The following CAMTA1 variants were observed in gnomAD, a reference collection of about 807,000 sequenced individuals.
The protein encoded by CAMTA1 is calmodulin-binding transcription activator 1.
A neutral mutation model predicts 170.9 loss-of-function variants in CAMTA1; 27 were observed. The ratio of observed to expected loss-of-function variants is 0.16; its 90% confidence interval spans 0.12 to 0.22. The LOEUF (loss-of-function observed/expected upper bound fraction) is 0.22. Ranked by LOEUF, CAMTA1 falls within the 10% of genes least tolerant of loss-of-function variation. The pLI is 1.00. For synonymous variants in CAMTA1, 833 were observed against 891.5 expected, an observed-to-expected ratio of 0.93 and a Z score of 1.17; for missense variants, 1,619 against 2,217.2, an observed-to-expected ratio of 0.73 and a Z score of 5.42.
intron 3 of CAMTA1, among the ~76,000 whole-genome samples, chr1:7,087,385 A>T (rs1381841763): frequency 4.6e-5 from 7 of 152,222 alleles, no homozygotes; most frequent in Admixed American, 4.6e-4. Context: ...AATAAGCTTG[A>T]TCCTGCTGGA....
chr1:7,705,425 C>T (rs900397734), intron 11 of CAMTA1, among the ~76,000 whole-genome samples: 2 of 150,492 alleles, frequency 1.3e-5, no homozygotes, highest in African/African-American at 4.9e-5. Flanking sequence ...TGTCTGGGTG[C>T]GCGCGCGGGC....
Position 7,534,442 on chromosome 1 carries a change from G to A in CAMTA1, c.510+66541G>A, listed in dbSNP as rs2094526523. Among the ~76,000 whole-genome samples, 1 of 152,190 alleles carries A rather than the reference G, an allele frequency of 6.6e-6. No individual in the cohort carries two copies. Among genetic ancestry groups the A allele is most frequent in the African/African-American group, 2.4e-5 (1 of 41,456 alleles). ...AGCCACTGTGGATGGAGTGTTATTT[G>A]TCCAAATGAATTTGTGTCACGTTTC... On this transcript the variant is annotated intron_variant, in intron 6 of 22. Transcript: ENST00000303635. This position sits in a 1 kb window ranked among gnomAD's most constrained non-coding sequence, Gnocchi z 5.6.
rs1187703351 is a variant in CAMTA1, at chr1:7,050,483, C to T, written c.235-40821C>T. 1.3e-5 allele frequency among the ~76,000 whole-genome samples: 2 copies of T among 152,176 alleles called. No homozygotes were observed. The highest frequency in any genetic ancestry group is 6.5e-5 in the Admixed American group (1 of 15,280). Reference sequence around the variant, plus strand: ...GTTCAGATGAAGACTCTCAAACAGGCCTTGGCTGCATCAAACACATCGCGG... The same window carrying T: ...GTTCAGATGAAGACTCTCAAACAGGTCTTGGCTGCATCAAACACATCGCGG... On this transcript the variant is annotated intron_variant, in intron 3 of 22. Coordinates refer to ENST00000303635, the MANE Select transcript of CAMTA1 (RefSeq NM_015215.4). The surrounding 1 kb of genome is among the most constrained non-coding windows in gnomAD (Gnocchi z 4.8).
intron 11 of CAMTA1, among the ~76,000 whole-genome samples, chr1:7,716,432 T>C (rs1394284755): frequency 6.6e-6 from 1 of 152,234 alleles, no homozygotes; most frequent in Non-Finnish European, 1.5e-5. Context: ...CAGCTATTTA[T>C]TTTAAAATAT....
At chr1:6,860,464 T>C (rs1292779837) in intron 3 of CAMTA1, among the ~76,000 whole-genome samples, 1 of 152,222 alleles carries the variant, frequency 6.6e-6, no homozygotes, top group African/African-American at 2.4e-5. Context: ...TCCACAAATA[T>C]GTGGTTTTTT....
At chr1:7,386,718 A>G (rs554209201) in intron 5 of CAMTA1, among the ~76,000 whole-genome samples, 1 of 152,298 alleles carries the variant, frequency 6.6e-6, no homozygotes, top group East Asian at 1.9e-4. Context: ...CCTCCTTGGT[A>G]AAACACAAGT....
rs116886617 is a variant in CAMTA1, at chr1:7,195,642, C to T, written c.303-53849C>T. Among the ~76,000 whole-genome samples, 1 of 152,218 alleles carries T rather than the reference C, an allele frequency of 6.6e-6. No individual in the cohort carries two copies. The highest frequency in any genetic ancestry group is 1.5e-5 in the Non-Finnish European group (1 of 68,038). On this transcript the variant is annotated intron_variant, in intron 4 of 22. Transcript: ENST00000303635. This position sits in a 1 kb window ranked among gnomAD's most constrained non-coding sequence, Gnocchi z 4.1. ...TGCCCGCACTGCTCCTGAGACCACT[C>T]TGACCCCATGAGGAGGTTGGCTTGT...
At chr1:7,360,920 C>T (rs1459780744) in intron 5 of CAMTA1, among the ~76,000 whole-genome samples, 1 of 152,244 alleles carries the variant, frequency 6.6e-6, no homozygotes, top group Non-Finnish European at 1.5e-5. Flanking sequence ...TCGTTTTCTG[C>T]TTCACATAAA....
intron 11 of CAMTA1, among the ~76,000 whole-genome samples, chr1:7,689,099 CA>C (rs1457974808): frequency 6.6e-6 from 1 of 150,826 alleles, no homozygotes; most frequent in Non-Finnish European, 1.5e-5. Flanking sequence ...CCCTCTCTAC[CA>C]AAAATACAAA....
At chr1:7,613,283 C>T (rs1180200523) in intron 6 of CAMTA1, among the ~76,000 whole-genome samples, 5 of 152,196 alleles carry the variant, frequency 3.3e-5, no homozygotes, top group Non-Finnish European at 7.3e-5. Context: ...ACCTGCCTTT[C>T]ATCTGCTTAC....
chr1:7,480,260 T>TGTGTGC (rs199598421), intron 6 of CAMTA1, among the ~76,000 whole-genome samples: 1 of 150,958 alleles, frequency 6.6e-6, no homozygotes, highest in Non-Finnish European at 1.5e-5. Flanking sequence ...TGCATGTGTG[T>TGTGTGC]ATGTGTGTGA....
intron 5 of CAMTA1, among the ~76,000 whole-genome samples, chr1:7,256,356 G>C (rs1488158048): frequency 2.6e-5 from 4 of 152,026 alleles, no homozygotes; most frequent in Admixed American, 6.5e-5. Flanking sequence ...TCAGGAGATC[G>C]AGACCAACCT....
chr1:7,661,141 T>A (rs1408985796), intron 7 of CAMTA1, among the ~76,000 whole-genome samples: 2 of 152,204 alleles, frequency 1.3e-5, no homozygotes, highest in African/African-American at 2.4e-5. Flanking sequence ...GGCCCTTCAG[T>A]CCCGTCCCCA....
chr1:7,129,731 G>A (rs919391444), intron 4 of CAMTA1, among the ~76,000 whole-genome samples: 3 of 152,114 alleles, frequency 2.0e-5, no homozygotes, highest in South Asian at 2.1e-4. Context: ...CCACTACCAC[G>A]ATCAAGATAG....
At chr1:6,831,911 C>G (rs1650347620) in intron 3 of CAMTA1, among the ~76,000 whole-genome samples, 5 of 144,052 alleles carry the variant, frequency 3.5e-5, no homozygotes. Context: ...CAAAACAAAA[C>G]TTGAGTAATA....
intron 7 of CAMTA1, among the ~76,000 whole-genome samples, chr1:7,653,044 G>C (rs957703381): frequency 4.6e-5 from 7 of 151,958 alleles, no homozygotes; most frequent in Non-Finnish European, 7.3e-5. Flanking sequence ...AGTGTGCCTC[G>C]AAGGCCTATT....
intron 4 of CAMTA1, among the ~76,000 whole-genome samples, chr1:7,225,236 C>A (rs111801334): frequency 0.097 from 14,823 of 152,178 alleles, 2,096 homozygotes; most frequent in African/African-American, 0.32. Context: ...AGGCGCCCAC[C>A]ACCATGCCCA....
intron 5 of CAMTA1, among the ~76,000 whole-genome samples, chr1:7,417,393 G>A (rs937215694): frequency 7.9e-5 from 12 of 152,264 alleles, no homozygotes; most frequent in Admixed American, 7.2e-4. Flanking sequence ...TACAGAGGCA[G>A]GCAGGCCCTC....
intron 4 of CAMTA1, among the ~76,000 whole-genome samples, chr1:7,139,188 A>G (rs928305128): frequency 2.1e-5 from 3 of 141,884 alleles, no homozygotes; most frequent in Admixed American, 1.4e-4. Flanking sequence ...ATATTTAGAA[A>G]ATTATATTTA....
Sources: allele counts gnomAD v4.1 joint callset (sites outside exome capture counted in the v4.1 genomes callset), GRCh38; gene constraint gnomAD v4.1.1; non-coding constraint Gnocchi (gnomAD v3.1); transcripts MANE v1.5; gene names NCBI Gene and HGNC (gene_info 2026-07-23, HGNC 2026-07-21).